Variants in DNAH10 observed in about 807,000 individuals in gnomAD.
The protein encoded by DNAH10 is dynein axonemal heavy chain 10.
A neutral mutation model predicts 506.6 loss-of-function variants in DNAH10; 348 were observed. The observed-to-expected ratio is 0.69, with a 90% CI of 0.63 to 0.75. The LOEUF is 0.75. Ranked by LOEUF, DNAH10 falls within the 30% of genes least tolerant of loss-of-function variation. The pLI is 0.00. For synonymous variants in DNAH10, 2,059 were observed against 2,198.6 expected (o/e 0.94, Z 1.78); for missense variants, 5,179 against 5,787.1 (o/e 0.89, Z 3.41).
intron 37 of DNAH10, 84 bp from the exon 38 acceptor site, chr12:123,859,066 G>A: frequency 8.0e-7 from 1 of 1,255,342 alleles, no homozygotes; most frequent in Non-Finnish European, 1.1e-6. Context: ...AAGGTAAATT[G>A]TATGGCGTGT....
chr12:123,795,448 G>A (rs1958242900), intron 12 of DNAH10, among the ~76,000 whole-genome samples: 1 of 152,134 alleles, frequency 6.6e-6, no homozygotes, highest in African/African-American at 2.4e-5. Flanking sequence ...GGATGATTCA[G>A]TGCTTTGCTT....
chr12:123,876,630 A>G (rs997058046), intron 47 of DNAH10, among the ~76,000 whole-genome samples: 1 of 151,722 alleles, frequency 6.6e-6, no homozygotes, highest in African/African-American at 2.4e-5. Context: ...CTCAATCTAA[A>G]ATACATAAAA....
At chr12:123,882,633 A>G (rs1202879417) in intron 51 of DNAH10, among the ~76,000 whole-genome samples, 1 of 151,912 alleles carries the variant, frequency 6.6e-6, no homozygotes, top group African/African-American at 2.4e-5. Context: ...TCTCTACTAA[A>G]AATAAAAAAA....
intron 65 of DNAH10, among the ~76,000 whole-genome samples, chr12:123,922,732 A>G (rs1954782603): frequency 6.6e-6 from 1 of 152,034 alleles, no homozygotes; most frequent in Non-Finnish European, 1.5e-5. Flanking sequence ...CTCTGTCCAC[A>G]CAAGGTCTTT....
At chr12:123,819,736 G>A (rs541329038) in intron 23 of DNAH10, among the ~76,000 whole-genome samples, 104 of 124,968 alleles carry the variant, frequency 8.3e-4, no homozygotes, top group Non-Finnish European at 1.4e-3. Context: ...ACAGAGTCTC[G>A]CTCTGTCACC....
At chr12:123,856,948 A>T (rs924055276) in intron 36 of DNAH10, 108 bp from the exon 37 acceptor site, 1 of 674,910 alleles carries the variant, frequency 1.5e-6, no homozygotes, top group African/African-American at 1.9e-5. Context: ...TTTATATAAA[A>T]ATTATATTTT....
intron 13 of DNAH10, among the ~76,000 whole-genome samples, chr12:123,797,255 C>T (rs2136254579): frequency 6.6e-6 from 1 of 152,334 alleles, no homozygotes; most frequent in South Asian, 2.1e-4. Flanking sequence ...TGCCGCCATG[C>T]AGCACGCTAT....
At chr12:123,767,295 T>G (rs1350805259) in intron 1 of DNAH10, among the ~76,000 whole-genome samples, 1 of 152,230 alleles carries the variant, frequency 6.6e-6, no homozygotes, top group East Asian at 1.9e-4. Context: ...GGGTGTTAAA[T>G]ACGTTCATAG....
intron 14 of DNAH10, among the ~76,000 whole-genome samples, chr12:123,799,857 A>C (rs1308439129): frequency 6.6e-6 from 1 of 152,092 alleles, no homozygotes; most frequent in African/African-American, 2.4e-5. Flanking sequence ...TGGTTCCTGA[A>C]ATCCTGACGT....
At chr12:123,896,321 C>G (rs903820052) in intron 54 of DNAH10, among the ~76,000 whole-genome samples, 1 of 152,178 alleles carries the variant, frequency 6.6e-6, no homozygotes, top group Admixed American at 6.5e-5. Context: ...AACTCAGGAC[C>G]AGCTCTGCAG....
At chr12:123,817,343 C>A (rs760988355) in intron 21 of DNAH10, among the ~76,000 whole-genome samples, 4 of 151,782 alleles carry the variant, frequency 2.6e-5, no homozygotes, top group Non-Finnish European at 4.4e-5. Context: ...ATATGTTGGA[C>A]CTTTCTACAA....
rs1419308371 is a variant in DNAH10, at chr12:123,881,616, T to C, written c.8635-9T>C. On this transcript the variant is annotated splice_polypyrimidine_tract_variant and intron_variant, in intron 50 of 78. Coordinates refer to ENST00000673944, the MANE Select transcript of DNAH10 (RefSeq NM_001372106.1). ...GGGTTTTGAATTCTTTTTTTTTTTT[T>C]AAATGCAGGAAATTCTTGAAGAGTA... 13 of 1,489,036 alleles carry C rather than the reference T, an allele frequency of 8.7e-6. No individual in the cohort carries two copies. Among genetic ancestry groups the C allele is most frequent in the Middle Eastern group, 1.7e-4 (1 of 5,832 alleles). 92.2% of individuals were successfully genotyped at this position (1,489,036 alleles called of 1,614,324 possible). A position where few individuals can be genotyped will look rare whatever the true frequency, so the allele number is the denominator to read the frequency against.
Position 123,785,721 on chromosome 12 carries a change from C to G in DNAH10, c.1231-25C>G. 1 of 1,539,012 alleles carries G rather than the reference C, an allele frequency of 6.5e-7. No individual in the cohort carries two copies. Among genetic ancestry groups the G allele is most frequent in the Non-Finnish European group, 8.8e-7 (1 of 1,131,942 alleles). On this transcript the variant is annotated intron_variant, in intron 8 of 78. Coordinates refer to ENST00000673944, the MANE Select transcript of DNAH10 (RefSeq NM_001372106.1). The surrounding 1 kb of genome is among the most constrained non-coding windows in gnomAD (Gnocchi z 4.1). Reference sequence around the variant, plus strand: ...TGGACCCCAAGGCTAAGGGCTCTTGCGTGGCTCTCTCCTCTCTTGGTCAGA... The same window carrying G: ...TGGACCCCAAGGCTAAGGGCTCTTGGGTGGCTCTCTCCTCTCTTGGTCAGA...
intron 24 of DNAH10, among the ~76,000 whole-genome samples, chr12:123,822,968 C>T (rs372696194): frequency 4.1e-4 from 62 of 152,224 alleles, no homozygotes; most frequent in African/African-American, 1.5e-3. Context: ...AAAACACCAG[C>T]GTCCACTTGA....
At position 123,928,203 on chromosome 12, in the gene DNAH10, G is replaced by A; in HGVS notation, c.12106-184G>A. 1.5e-6 allele frequency: 1 copy of A among 672,392 alleles called. No individual in the cohort carries two copies. Among genetic ancestry groups the A allele is most frequent in the Non-Finnish European group, 2.5e-6 (1 of 401,568 alleles). 41.7% of individuals were successfully genotyped at this position (672,392 alleles called of 1,614,324 possible). ...GTGACCAGCTCAGTGCACCCACGGG[G>A]CCCATGGGGTTTCTCAAAGATGGTT... On this transcript the variant is annotated intron_variant, in intron 69 of 78. Transcript: ENST00000673944. The surrounding 1 kb of genome is among the most constrained non-coding windows in gnomAD (Gnocchi z 4.9).
chr12:123,859,293 G>C, intron 38 of DNAH10, 25 bp downstream of exon 38: 2 of 1,524,694 alleles, frequency 1.3e-6, no homozygotes, highest in Non-Finnish European at 1.8e-6. Flanking sequence ...CGTAGGGAGG[G>C]CCTGGCTGCC....
chr12:123,784,213 G>A, intron 8 of DNAH10, 36 bp downstream of exon 8: 1 of 1,577,214 alleles, frequency 6.3e-7, no homozygotes, highest in Non-Finnish European at 8.7e-7. Flanking sequence ...AGTCAGCTCT[G>A]TCAAAGAGAT....
At chr12:123,882,621 C>T (rs925684012) in intron 51 of DNAH10, among the ~76,000 whole-genome samples, 2 of 151,658 alleles carry the variant, frequency 1.3e-5, no homozygotes, top group Non-Finnish European at 2.9e-5. Flanking sequence ...GGTGAAACCC[C>T]GTCTCTACTA....
chr12:123,884,459 C>T (rs555336745), intron 51 of DNAH10, among the ~76,000 whole-genome samples: 2 of 152,320 alleles, frequency 1.3e-5, no homozygotes, highest in Admixed American at 1.3e-4. Context: ...CTGGGAATTC[C>T]AAGATCAGGG....
Sources: allele counts gnomAD v4.1 joint callset (sites outside exome capture counted in the v4.1 genomes callset), GRCh38; gene constraint gnomAD v4.1.1; non-coding constraint Gnocchi (gnomAD v3.1); transcripts MANE v1.5; gene names NCBI Gene and HGNC (gene_info 2026-07-23, HGNC 2026-07-21).